The following EDA variants were observed in gnomAD, a reference collection of about 807,000 sequenced individuals.
EDA encodes ectodysplasin A, also known as ectodysplasin-A.
A neutral mutation model predicts 23.6 loss-of-function variants in EDA; 2 were observed. The observed-to-expected ratio is 0.08, with a 90% confidence interval of 0.03 to 0.27. The LOEUF is 0.27. EDA is among the 10% of genes least tolerant of loss of function. The probability of loss-of-function intolerance (pLI) is 1.00; values close to 1 mark genes in which losing one functional copy is unlikely to be tolerated. For missense variants in EDA, 229 were observed against 324.2 expected (o/e 0.71, Z 2.26); for synonymous variants, 131 against 132.0 (o/e 0.99, Z 0.05).
Position 69,980,779 on chromosome X carries a change from C to T in EDA, c.502+23647C>T, listed in dbSNP as rs887282945. On this transcript the variant is annotated intron_variant, in intron 2 of 7. Coordinates refer to ENST00000374552, the MANE Select transcript of EDA (RefSeq NM_001399.5). ...CTGCACATGAAGTGGAAGTTACTCT[C>T]ATTTTACATATAGACACAGATAACA... 1.4e-3 allele frequency among the ~76,000 whole-genome samples: 163 copies of T among 112,492 alleles called. 1 individual carries two copies. Among genetic ancestry groups the T allele is most frequent in the African/African-American group, 5.2e-3 (161 of 30,995 alleles).
intron 2 of EDA, among the ~76,000 whole-genome samples, chrX:69,969,724 T>C (rs2019222374): frequency 8.9e-6 from 1 of 111,761 alleles, no homozygotes; most frequent in African/African-American, 3.3e-5. Flanking sequence ...TAGCATAGTA[T>C]GCAAAATCCA....
At chrX:69,823,874 A>G (rs1174971907) in intron 1 of EDA, among the ~76,000 whole-genome samples, 2 of 86,050 alleles carry the variant, frequency 2.3e-5, no homozygotes, top group African/African-American at 4.7e-5. Context: ...TGATTTTTGT[A>G]TAAGGTGTAA....
chrX:69,654,802 TG>T (rs1313804664), intron 1 of EDA, among the ~76,000 whole-genome samples: 1 of 22,202 alleles, frequency 4.5e-5, no homozygotes, highest in Non-Finnish European at 8.1e-5. Flanking sequence ...TGTTGTGGGG[TG>T]GGGGGAGGGG....
chrX:69,821,880 A>G (rs2016234463), intron 1 of EDA, among the ~76,000 whole-genome samples: 1 of 112,166 alleles, frequency 8.9e-6, no homozygotes, highest in African/African-American at 3.2e-5. Flanking sequence ...GTGTTACTAA[A>G]TACATTCATA....
chrX:69,621,368 ACT>A (rs1268616257), intron 1 of EDA, among the ~76,000 whole-genome samples: 1 of 111,952 alleles, frequency 8.9e-6, no homozygotes, highest in East Asian at 2.8e-4. Context: ...TTGAAGTATA[ACT>A]CATACACAGA....
intron 1 of EDA, among the ~76,000 whole-genome samples, chrX:69,681,380 T>C (rs1287357060): frequency 7.2e-5 from 8 of 110,698 alleles, no homozygotes; most frequent in Non-Finnish European, 1.5e-4. Context: ...CTTTGCTAGA[T>C]TGGGGAAGTT....
intron 1 of EDA, among the ~76,000 whole-genome samples, chrX:69,859,163 T>C (rs1367996349): frequency 1.8e-5 from 2 of 111,334 alleles, no homozygotes; most frequent in Non-Finnish European, 3.8e-5. Flanking sequence ...TCTATTTAAT[T>C]AATTTTTTCA....
At chrX:69,749,775 A>G (rs1212438832) in intron 1 of EDA, 1 of 111,081 alleles carries the variant, frequency 9.0e-6, no homozygotes, top group East Asian at 2.8e-4. Context: ...AACAACACTA[A>G]ACTACATACA....
chrX:70,031,367 G>A (rs953345190), intron 6 of EDA, among the ~76,000 whole-genome samples: 1 of 111,788 alleles, frequency 8.9e-6, no homozygotes, highest in Non-Finnish European at 1.9e-5. Flanking sequence ...GAATGATTAG[G>A]TTCATTTTCT....
At chrX:69,935,036 T>C (rs1420808895) in intron 1 of EDA, among the ~76,000 whole-genome samples, 3 of 112,042 alleles carry the variant, frequency 2.7e-5, no homozygotes, top group African/African-American at 9.7e-5. Flanking sequence ...CCCACAAATG[T>C]GTGAGAATAT....
At chrX:69,737,883 A>G (rs1052874552) in intron 1 of EDA, among the ~76,000 whole-genome samples, 5 of 110,279 alleles carry the variant, frequency 4.5e-5, no homozygotes, top group African/African-American at 1.3e-4. Context: ...CACTTCAAAT[A>G]TGTCACTCCC....
At chrX:69,961,089 A>G (rs2019095410) in intron 2 of EDA, among the ~76,000 whole-genome samples, 1 of 111,688 alleles carries the variant, frequency 9.0e-6, no homozygotes, top group African/African-American at 3.3e-5. Flanking sequence ...TTGTTTGGTC[A>G]TTCATCATTT....
At chrX:70,017,382 A>G (rs971317402) in intron 2 of EDA, among the ~76,000 whole-genome samples, 8 of 111,819 alleles carry the variant, frequency 7.2e-5, no homozygotes, top group African/African-American at 2.6e-4. Context: ...TCCTGCTACC[A>G]AAACTTGGCA....
chrX:69,774,442 C>T (rs1326173731), intron 1 of EDA, among the ~76,000 whole-genome samples: 1 of 111,773 alleles, frequency 8.9e-6, no homozygotes, highest in Non-Finnish European at 1.9e-5. Flanking sequence ...CCTAGAAATC[C>T]GCTCACAGCA....
chrX:69,923,470 A>G (rs2018466147), intron 1 of EDA, among the ~76,000 whole-genome samples: 1 of 111,412 alleles, frequency 9.0e-6, no homozygotes, highest in African/African-American at 3.3e-5. Context: ...ACATGATCTC[A>G]TTCCTTTTTA....
chrX:69,890,797 CT>C (rs1007076500), intron 1 of EDA, among the ~76,000 whole-genome samples: 15 of 111,500 alleles, frequency 1.3e-4, no homozygotes, highest in African/African-American at 4.9e-4. Flanking sequence ...TATAAAACCC[CT>C]AGAAGAAAAT....
intron 1 of EDA, among the ~76,000 whole-genome samples, chrX:69,941,162 T>C (rs776798564): frequency 4.5e-5 from 5 of 112,107 alleles, no homozygotes; most frequent in Non-Finnish European, 9.4e-5. Flanking sequence ...TTTTTGAATG[T>C]TTTAAGACTT....
intron 1 of EDA, among the ~76,000 whole-genome samples, chrX:69,871,164 G>A (rs912870301): frequency 1.7e-4 from 19 of 111,365 alleles, no homozygotes; most frequent in African/African-American, 5.6e-4. Flanking sequence ...ACTATTAGAA[G>A]TAGAGTCCTT....
chrX:69,719,690 T>G (rs1368837054), intron 1 of EDA, among the ~76,000 whole-genome samples: 1 of 109,159 alleles, frequency 9.2e-6, no homozygotes, highest in Non-Finnish European at 1.9e-5. Context: ...TTTGTTCTTC[T>G]TTATGGCTGA....
Sources: allele counts gnomAD v4.1 joint callset (sites outside exome capture counted in the v4.1 genomes callset), GRCh38; gene constraint gnomAD v4.1.1; transcripts MANE v1.5; gene names NCBI Gene and HGNC (gene_info 2026-07-23, HGNC 2026-07-21).